Variants in CERKL observed in about 807,000 individuals in gnomAD.
CERKL encodes CERK like autophagy regulator.
A neutral mutation model predicts 63.4 loss-of-function variants in CERKL; 61 were observed. The ratio of observed to expected loss-of-function variants is 0.96; its 90% confidence interval spans 0.78 to 1.19. The LOEUF (loss-of-function observed/expected upper bound fraction) is 1.19. Among genes scored for constraint, CERKL ranks in the 50% most tolerant of loss-of-function variants. CERKL has a pLI of 0.00. For synonymous variants in CERKL, 250 were observed against 230.5 expected, an observed-to-expected ratio of 1.08 and a Z score of -0.77; for missense variants, 675 against 655.5, an observed-to-expected ratio of 1.03 and a Z score of -0.33.
chr2:181,558,926 T>C lies in CERKL; in HGVS notation c.678-218A>G, dbSNP rs1297198081. Among the ~76,000 whole-genome samples the C allele has an allele frequency of 1.3e-5, 2 of 152,170 alleles. No homozygotes were observed. The highest frequency in any genetic ancestry group is 2.4e-5 in the African/African-American group (1 of 41,454). On this transcript the variant is annotated intron_variant, in intron 4 of 12. Coordinates refer to ENST00000410087, the MANE Select transcript of CERKL (RefSeq NM_201548.5). This position sits in a 1 kb window ranked among gnomAD's most constrained non-coding sequence, Gnocchi z 4.2. ...AATATAATAACTAGATAATTCCCCA[T>C]AGACAAAATAGCTTTAAGTGTGTTA...
At chr2:181,587,424 C>T (rs916474387) in intron 2 of CERKL, among the ~76,000 whole-genome samples, 3 of 151,998 alleles carry the variant, frequency 2.0e-5, no homozygotes, top group South Asian at 2.1e-4. Context: ...AAGAGAACAG[C>T]GAAGAAGAAA....
chr2:181,537,832 A>G lies in CERKL; in HGVS notation c.*352T>C, dbSNP rs1201389732. On this transcript the variant is annotated 3_prime_UTR_variant, in exon 13 of 13. Transcript: ENST00000410087. ...GCCCTAGAGGCTAATTGTTAGTAAC[A>G]TCAATTTCTATTAGGATATCCGTTT... is the stretch of plus-strand genomic sequence containing the variant. 6 of 485,042 alleles carry G rather than the reference A, an allele frequency of 1.2e-5. No homozygotes were observed. In the East Asian group the frequency reaches 3.6e-4, roughly 29 times the overall value. The allele number at this position is 485,042 out of a possible 1,614,324, so 30.0% of individuals were successfully genotyped here.
intron 5 of CERKL, among the ~76,000 whole-genome samples, chr2:181,557,997 C>G (rs938363915): frequency 7.2e-5 from 11 of 152,164 alleles, no homozygotes; most frequent in African/African-American, 2.4e-4. Context: ...GTGGCATAGT[C>G]TATTCTAGAT....
chr2:181,613,063 G>C (rs1686040768), intron 1 of CERKL, among the ~76,000 whole-genome samples: 1 of 152,080 alleles, frequency 6.6e-6, no homozygotes, highest in Non-Finnish European at 1.5e-5. Flanking sequence ...CAATTTTCAA[G>C]TATACATTAT....
In CERKL at chr2:181,651,906, ACT is replaced by A. The variant is rs1491310341; in HGVS notation, c.238+4861_238+4862del. ...TCAAGAAAACAATTCCATTTATAGT[ACT>A]TTTTTAAAAAAAAAGATACCTAGAA... On this transcript the variant is annotated intron_variant, in intron 1 of 12. Transcript: ENST00000410087. Among the ~76,000 whole-genome samples, 11 of 77,946 alleles carry A rather than the reference ACT, an allele frequency of 1.4e-4. No individual in the cohort carries two copies. The East Asian group carries it at 0.013, about 94-fold the overall frequency. The allele number at this position is 77,946 out of a possible 152,430, so 51.1% of individuals were successfully genotyped here. A position where few individuals can be genotyped will look rare whatever the true frequency, so the allele number is the denominator to read the frequency against.
chr2:181,548,117 A>G (rs575211921), intron 8 of CERKL: 1 of 580,746 alleles, frequency 1.7e-6, no homozygotes, highest in South Asian at 2.2e-5. Context: ...TGGCTTTAAT[A>G]TTTGTATTAC....
intron 2 of CERKL, among the ~76,000 whole-genome samples, chr2:181,600,247 A>G (rs1685401178): frequency 6.6e-6 from 1 of 152,216 alleles, no homozygotes; most frequent in South Asian, 2.1e-4. Context: ...GCTACCATAT[A>G]AGCACACAAA....
intron 4 of CERKL, among the ~76,000 whole-genome samples, chr2:181,560,037 C>CTA (rs1460828469): frequency 6.6e-6 from 1 of 152,156 alleles, no homozygotes; most frequent in Non-Finnish European, 1.5e-5. Context: ...TAAGGACAAA[C>CTA]TATATATCAG....
At chr2:181,630,216 C>A (rs925776375) in intron 1 of CERKL, among the ~76,000 whole-genome samples, 10 of 151,928 alleles carry the variant, frequency 6.6e-5, no homozygotes, top group African/African-American at 2.4e-4. Context: ...TCCCCCACTC[C>A]CCCTGCCCCC....
intron 8 of CERKL, chr2:181,548,323 G>A: frequency 1.8e-6 from 1 of 568,214 alleles, no homozygotes; most frequent in South Asian, 2.2e-5. Flanking sequence ...AGGAGGGAGG[G>A]AGAGACAGGG....
intron 1 of CERKL, among the ~76,000 whole-genome samples, chr2:181,620,489 T>C (rs1260032489): frequency 1.3e-5 from 2 of 152,298 alleles, no homozygotes; most frequent in African/African-American, 2.4e-5. Flanking sequence ...CTCTCAATAT[T>C]TGATCATAAG....
chr2:181,579,043 T>C lies in CERKL; in HGVS notation c.482-5159A>G, dbSNP rs953185456. On this transcript the variant is annotated intron_variant, in intron 2 of 12. Transcript: ENST00000410087. ...AAGTGGACACTTGAGAAAAAGGAAA[T>C]GGTCTCAAATCTTCACTCTGTCATT... is the stretch of plus-strand genomic sequence containing the variant. 7.2e-5 allele frequency among the ~76,000 whole-genome samples: 11 copies of C among 151,990 alleles called. 1 individual carries two copies. The highest frequency in any genetic ancestry group is 2.4e-4 in the African/African-American group (10 of 41,272).
chr2:181,636,640 C>T (rs1489127382), intron 1 of CERKL, among the ~76,000 whole-genome samples: 1 of 152,092 alleles, frequency 6.6e-6, no homozygotes, highest in African/African-American at 2.4e-5. Flanking sequence ...ATGTTATTTT[C>T]CAAATAGGCC....
Position 181,539,197 on chromosome 2 carries a change from C to T in CERKL, c.1433G>A (p.Gly478Asp), listed in dbSNP as rs778292281. The change falls in exon 12 of 13, where the codon GGT becomes GAT. Residue 478 changes from glycine (G) to aspartate (D), a missense_variant. Transcript: ENST00000410087. ...EVKVHPRNNT[G>D]GYNPEEEEDE... The stretch of plus-strand genomic sequence containing the variant: ...CTCCTCCTCCTCTGGATTATATCCA[C>T]CAGTATTATTCCTTGGATGAACTTT... 3.1e-6 allele frequency: 5 copies of T among 1,605,052 alleles called. No individual in the cohort carries two copies. The highest frequency in any genetic ancestry group is 1.7e-5 in the Admixed American group (1 of 59,996).
At chr2:181,546,171 G>GA (rs1244700150) in intron 10 of CERKL, among the ~76,000 whole-genome samples, 1 of 152,092 alleles carries the variant, frequency 6.6e-6, no homozygotes, top group African/African-American at 2.4e-5. Flanking sequence ...ATCCTTCTCT[G>GA]AAAAATTCAT....
chr2:181,654,530 C>T (rs887796233), intron 1 of CERKL, among the ~76,000 whole-genome samples: 2 of 152,158 alleles, frequency 1.3e-5, no homozygotes, highest in Admixed American at 6.5e-5. Context: ...CTAATAATCT[C>T]CAGTGATCTC....
chr2:181,558,735 A>C lies in CERKL; in HGVS notation c.678-27T>G. 13 of 1,612,278 alleles carry C rather than the reference A, an allele frequency of 8.1e-6. No individual in the cohort carries two copies. The highest frequency in any genetic ancestry group is 1.1e-5 in the Non-Finnish European group (13 of 1,178,800). On this transcript the variant is annotated intron_variant, in intron 4 of 12. Transcript: ENST00000410087. This position sits in a 1 kb window ranked among gnomAD's most constrained non-coding sequence, Gnocchi z 4.2. The stretch of plus-strand genomic sequence containing the variant: ...TAGAAAAATACAAATCAAGCAAAGA[A>C]GGCAAAACTTCAGAATGATTGGTAA...
intron 1 of CERKL, among the ~76,000 whole-genome samples, chr2:181,610,652 T>A (rs1339476428): frequency 6.6e-6 from 1 of 152,124 alleles, no homozygotes; most frequent in African/African-American, 2.4e-5. Flanking sequence ...ATCTGAGGGA[T>A]CTGATCCTGC....
intron 1 of CERKL, among the ~76,000 whole-genome samples, chr2:181,614,327 T>G (rs2105909190): frequency 6.6e-6 from 1 of 152,340 alleles, no homozygotes; most frequent in African/African-American, 2.4e-5. Flanking sequence ...ATTTATTTTT[T>G]GGACATTCTT....
Sources: gnomAD v4.1 joint callset for allele counts (sites outside exome capture counted in the v4.1 genomes callset) on GRCh38, gnomAD v4.1.1 for gene constraint, Gnocchi (gnomAD v3.1) non-coding constraint, MANE v1.5 for transcripts, NCBI Gene and HGNC (gene_info 2026-07-23, HGNC 2026-07-21) for gene names.